Variants in PNO1 observed in about 807,000 individuals in gnomAD.
PNO1 encodes partner of NOB1 homolog.
Under a neutral mutation model 28.4 loss-of-function variants are expected in PNO1, and 16 were observed. The observed-to-expected ratio is 0.56, with a 90% CI of 0.38 to 0.85. The LOEUF (loss-of-function observed/expected upper bound fraction) is 0.85, where lower values mean the gene tolerates loss of function less well. Among genes scored for constraint, PNO1 ranks in the 40% least tolerant of loss-of-function variants. PNO1 has a pLI of 0.00. For missense variants in PNO1, 304 were observed against 312.2 expected (o/e 0.97, Z 0.20); for synonymous variants, 115 against 110.8 (o/e 1.04, Z -0.24).
chr2:68,158,778 A>T (rs1042309603), intron 2 of PNO1, among the ~76,000 whole-genome samples: 43 of 152,222 alleles, frequency 2.8e-4, no homozygotes, highest in African/African-American at 8.9e-4. Context: ...TGTATCTTTT[A>T]TAATGTTCTA....
chr2:68,173,406 A>T lies in PNO1; in HGVS notation c.680A>T (p.Asn227Ile). 6.3e-7 allele frequency: 1 copy of T among 1,595,514 alleles called. No homozygotes were observed. Among genetic ancestry groups the T allele is most frequent in the Non-Finnish European group, 8.6e-7 (1 of 1,163,302 alleles). Residue 227 changes from asparagine to isoleucine, a missense_variant, in exon 6 of 7, where the codon AAC becomes ATC. Asn to Ile is a moderately radical substitution (Grantham distance 149, BLOSUM62 -3). Coordinates refer to ENST00000263657, the MANE Select transcript of PNO1 (RefSeq NM_020143.4). ...AAGATGGCAAGAACTGCCATTTGCA[A>T]CCTAATCTTGGGTAATAGCAGTTTC... ...NIKMARTAIC[N>I]LILGNPPSKV...
At position 68,173,670 on chromosome 2, in the gene PNO1, C is replaced by T. The variant is rs576930713; in HGVS notation, c.691+253C>T. Among the ~76,000 whole-genome samples, 6 of 148,528 alleles carry T rather than the reference C, an allele frequency of 4.0e-5. No individual in the cohort carries two copies. The East Asian group carries it at 1.2e-3, about 30-fold the overall frequency. On this transcript the variant is annotated intron_variant, in intron 6 of 6. Transcript: ENST00000263657. ...CGATCTCGGCTCACTGCAACCTCTG[C>T]CTCCCAAGTTCAAGCGATTCTCCTG... is the stretch of plus-strand genomic sequence containing the variant.
chr2:68,174,505 CA>C (rs1674220990), intron 6 of PNO1, among the ~76,000 whole-genome samples: 1 of 152,006 alleles, frequency 6.6e-6, no homozygotes, highest in Non-Finnish European at 1.5e-5. Flanking sequence ...GTACTATTTA[CA>C]TAGCATTTGC....
At chr2:68,163,885 A>G (rs1673907935) in intron 5 of PNO1, among the ~76,000 whole-genome samples, 1 of 152,102 alleles carries the variant, frequency 6.6e-6, no homozygotes, top group South Asian at 2.1e-4. Flanking sequence ...GAGATTATAT[A>G]ATGCCATGAA....
chr2:68,164,507 C>A (rs1673924077), intron 5 of PNO1, among the ~76,000 whole-genome samples: 1 of 151,948 alleles, frequency 6.6e-6, no homozygotes, highest in African/African-American at 2.4e-5. Flanking sequence ...AATAAAAATA[C>A]CACATATAGT....
chr2:68,174,999 A>G lies in PNO1; in HGVS notation c.*197A>G, dbSNP rs984215655. On this transcript the variant is annotated 3_prime_UTR_variant, in exon 7 of 7. Coordinates refer to ENST00000263657, the MANE Select transcript of PNO1 (RefSeq NM_020143.4). ...CAACAGGTTTTAGGATAATTTAAAT[A>G]TCAAAAATTGATTGTTATACTTAAC... 4 of 456,680 alleles carry G rather than the reference A, an allele frequency of 8.8e-6. No individual in the cohort carries two copies. Among genetic ancestry groups the G allele is most frequent in the Non-Finnish European group, 1.5e-5 (4 of 266,036 alleles). 28.3% of individuals were successfully genotyped at this position (456,680 alleles called of 1,614,324 possible).
chr2:68,173,150 A>G (rs1054486497), intron 5 of PNO1, 197 bp from the exon 6 acceptor site: 7 of 354,648 alleles, frequency 2.0e-5, no homozygotes, highest in African/African-American at 1.5e-4. Flanking sequence ...GGCATGTTGC[A>G]CTCTACAGGC....
chr2:68,165,409 G>C (rs1673965677), intron 5 of PNO1, among the ~76,000 whole-genome samples: 1 of 147,754 alleles, frequency 6.8e-6, no homozygotes, highest in Non-Finnish European at 1.5e-5. Flanking sequence ...AGCTGGGTGT[G>C]GTGGCACATG....
At chr2:68,159,936 T>C (rs962797784) in intron 2 of PNO1, among the ~76,000 whole-genome samples, 1 of 149,974 alleles carries the variant, frequency 6.7e-6, no homozygotes, top group African/African-American at 2.4e-5. Flanking sequence ...TTTTATGACA[T>C]CCTGGCATCT....
intron 4 of PNO1, 33 bp downstream of exon 4, chr2:68,162,358 C>A: frequency 6.5e-7 from 1 of 1,546,082 alleles, no homozygotes; most frequent in Non-Finnish European, 8.9e-7. Flanking sequence ...TCTTGTGTCG[C>A]TGACTTTGTA....
chr2:68,163,069 C>T (rs1009741956), intron 5 of PNO1, among the ~76,000 whole-genome samples: 1 of 152,082 alleles, frequency 6.6e-6, no homozygotes, highest in Non-Finnish European at 1.5e-5. Context: ...TTGAAAAATC[C>T]CAGTTCGAAC....
At chr2:68,166,711 A>C (rs752711564) in intron 5 of PNO1, among the ~76,000 whole-genome samples, 1 of 152,230 alleles carries the variant, frequency 6.6e-6, no homozygotes, top group African/African-American at 2.4e-5. Flanking sequence ...AAAAGGGTCT[A>C]TGTCATAAAA....
rs768082033 is a variant in PNO1 at position 68,173,347 on chromosome 2, G to C, written c.621G>C (p.Val207=). The C allele has an allele frequency of 6.3e-7, 1 of 1,589,584 alleles. No homozygotes were observed. The highest frequency in any genetic ancestry group is 8.6e-7 in the Non-Finnish European group (1 of 1,158,514). Residue 207 remains valine (V), a splice_region_variant and synonymous_variant, in exon 6 of 7, where the codon GTG becomes GTC. Coordinates refer to ENST00000263657, the MANE Select transcript of PNO1 (RefSeq NM_020143.4). The part of the protein sequence containing the change: ...VTRTRIVLAD[V]KVHILGSFQN... Reference sequence around the variant, plus strand: ...ATTTGTCTCATTTTATTTCTTTCAGGAAAGTTCACATCCTTGGCTCCTTCC... The same window carrying C: ...ATTTGTCTCATTTTATTTCTTTCAGCAAAGTTCACATCCTTGGCTCCTTCC...
rs1221408641 is a variant in PNO1 at position 68,175,752 on chromosome 2, A to C, written c.*950A>C. On this transcript the variant is annotated 3_prime_UTR_variant, in exon 7 of 7. Transcript: ENST00000263657. ...AAATGAGTATTTAATGAAAGTATAC[A>C]TAACCAATGTTGGGTATACAGATGC... The C allele has an allele frequency of 2.0e-5, 3 of 152,252 alleles. No individual in the cohort carries two copies. The highest frequency in any genetic ancestry group is 4.4e-5 in the Non-Finnish European group (3 of 68,048). 9.4% of individuals were successfully genotyped at this position (152,252 alleles called of 1,614,324 possible). A position where few individuals can be genotyped will look rare whatever the true frequency, so the allele number is the denominator to read the frequency against.
At chr2:68,167,951 A>C (rs1674033759) in intron 5 of PNO1, among the ~76,000 whole-genome samples, 1 of 152,208 alleles carries the variant, frequency 6.6e-6, no homozygotes, top group African/African-American at 2.4e-5. Context: ...CTGCACCCAC[A>C]TAAAAGCTGC....
At chr2:68,159,513 A>G (rs946304013) in intron 2 of PNO1, among the ~76,000 whole-genome samples, 3 of 152,072 alleles carry the variant, frequency 2.0e-5, no homozygotes, top group African/African-American at 4.8e-5. Flanking sequence ...GCCTATGTAT[A>G]TATTTTAAAT....
intron 5 of PNO1, among the ~76,000 whole-genome samples, chr2:68,165,379 A>AACAC (rs1673960857): frequency 7.4e-6 from 1 of 134,662 alleles, no homozygotes; most frequent in Non-Finnish European, 1.7e-5. Context: ...AAAAAAAAAA[A>AACAC]CAACAAAAAA....
intron 5 of PNO1, among the ~76,000 whole-genome samples, chr2:68,165,375 A>AC (rs1558619983): frequency 5.9e-5 from 6 of 100,950 alleles, no homozygotes; most frequent in Non-Finnish European, 2.0e-5. Flanking sequence ...AAAAAAAAAA[A>AC]AAAACAACAA....
intron 5 of PNO1, among the ~76,000 whole-genome samples, chr2:68,167,669 C>G (rs1401038891): frequency 6.6e-6 from 1 of 152,160 alleles, no homozygotes; most frequent in African/African-American, 2.4e-5. Flanking sequence ...GCACAAAAAA[C>G]CTGTTCAGGC....
Sources: allele counts gnomAD v4.1 joint callset (sites outside exome capture counted in the v4.1 genomes callset), GRCh38; gene constraint gnomAD v4.1.1; transcripts MANE v1.5; gene names NCBI Gene and HGNC (gene_info 2026-07-23, HGNC 2026-07-21).